The following RAD21L1 variants were observed in gnomAD, a reference collection of about 807,000 sequenced individuals.
RAD21L1 encodes the protein RAD21 cohesin complex component like 1, also known as double-strand-break repair protein rad21-like protein 1.
RAD21L1 carries 47 observed loss-of-function variants against 69.0 expected under a neutral mutation model. The ratio of observed to expected loss-of-function variants is 0.68; its 90% confidence interval spans 0.54 to 0.87. RAD21L1 has a LOEUF of 0.87. RAD21L1 is among the 40% of genes least tolerant of loss of function. The pLI, the probability that RAD21L1 is intolerant of heterozygous loss-of-function variation, is 0.00. For synonymous variants in RAD21L1, 177 were observed against 205.8 expected, an observed-to-expected ratio of 0.86 and a Z score of 1.20; for missense variants, 583 against 647.6, an observed-to-expected ratio of 0.90 and a Z score of 1.08.
At chr20:1,245,101 A>G (rs1247205831) in intron 11 of RAD21L1, among the ~76,000 whole-genome samples, 1 of 152,204 alleles carries the variant, frequency 6.6e-6, no homozygotes, top group African/African-American at 2.4e-5. Context: ...TATCACAGAT[A>G]TAACAAGATA....
intron 8 of RAD21L1, among the ~76,000 whole-genome samples, chr20:1,241,261 G>C (rs2087601851): frequency 6.6e-6 from 1 of 152,196 alleles, no homozygotes; most frequent in Non-Finnish European, 1.5e-5. Context: ...AAGATAAATA[G>C]TCATGCAAGT....
At position 1,231,575 on chromosome 20, in the gene RAD21L1, C is replaced by A; in HGVS notation, c.324C>A (p.Ile108=). 6.5e-7 allele frequency: 1 copy of A among 1,539,000 alleles called. No homozygotes were observed. Among genetic ancestry groups the A allele is most frequent in the Non-Finnish European group, 8.8e-7 (1 of 1,138,240 alleles). The change falls in exon 4 of 14, where the codon ATC becomes ATA. Residue 108 remains isoleucine, a synonymous_variant. Transcript: ENST00000683101. ...KENFEASYNA[I]TLPEEFHDFD... ...ATTTTGAAGCATCTTACAATGCTAT[C>A]ACATTGCCAGAAGAATTTCATGATT...
At chr20:1,237,513 CTT>C (rs11087027) in intron 5 of RAD21L1, among the ~76,000 whole-genome samples, 7 of 145,520 alleles carry the variant, frequency 4.8e-5, no homozygotes, top group Non-Finnish European at 6.0e-5. Flanking sequence ...CTGGGTTTGT[CTT>C]TTTTTTTTTT....
intron 13 of RAD21L1, among the ~76,000 whole-genome samples, chr20:1,249,364 T>C (rs901910160): frequency 1.3e-5 from 2 of 152,332 alleles, no homozygotes; most frequent in Non-Finnish European, 2.9e-5. Context: ...CAGTGTTATA[T>C]TTGTAATAGT....
intron 4 of RAD21L1, among the ~76,000 whole-genome samples, chr20:1,232,510 G>A (rs1427486254): frequency 6.6e-6 from 1 of 152,220 alleles, no homozygotes; most frequent in East Asian, 1.9e-4. Context: ...GGTGGTAGCA[G>A]TCAAGTTACA....
intron 13 of RAD21L1, among the ~76,000 whole-genome samples, chr20:1,251,465 C>G (rs1001520870): frequency 2.0e-5 from 3 of 149,370 alleles, no homozygotes; most frequent in African/African-American, 7.4e-5. Flanking sequence ...TTAAAAATTT[C>G]TTGGACTTTC....
rs1294450042 is a variant in RAD21L1 at position 1,231,555 on chromosome 20, GA to G, written c.306del (p.Ala103HisfsTer20). The G allele has an allele frequency of 5.8e-6, 9 of 1,539,898 alleles. No individual in the cohort carries two copies. Among genetic ancestry groups the G allele is most frequent in the Non-Finnish European group, 7.9e-6 (9 of 1,139,256 alleles). On this transcript the variant is annotated frameshift_variant, in exon 4 of 14. Coordinates refer to ENST00000683101, the MANE Select transcript of RAD21L1 (RefSeq NM_001384355.1). LOFTEE classifies it high-confidence loss of function. The part of the protein sequence containing the change: ...GLVDLPKENF[E>X]ASYNAITLPE... ...GGTTGACCTTCCAAAAGAGAATTTT[GA>G]AGCATCTTACAATGCTATCACATTG... is the stretch of plus-strand genomic sequence containing the variant.
intron 13 of RAD21L1, among the ~76,000 whole-genome samples, chr20:1,251,753 C>T (rs984994556): frequency 2.0e-5 from 3 of 151,896 alleles, no homozygotes; most frequent in African/African-American, 7.2e-5. Context: ...TCTGCTTTCA[C>T]CTTTTTGTTT....
intron 10 of RAD21L1, 120 bp downstream of exon 10, chr20:1,243,316 C>T (rs1396296818): frequency 1.8e-6 from 1 of 549,068 alleles, no homozygotes; most frequent in Non-Finnish European, 3.2e-6. Context: ...AATGCTAACT[C>T]TGGAAGAGTA....
chr20:1,254,323 A>T lies in RAD21L1; in HGVS notation c.1534A>T (p.Ser512Cys). Residue 512 changes from serine to cysteine, a missense_variant, in exon 14 of 14, where the codon AGT becomes TGT. Physicochemically the swap from Ser to Cys is moderately radical, Grantham distance 112. Transcript: ENST00000683101. ...SFSLMKLCRN[S>C]DRKQAAAKFY... The stretch of plus-strand genomic sequence containing the variant: ...TAGTCTGATGAAGCTCTGTAGAAAT[A>T]GTGACCGAAAACAAGCAGCTGCCAA... The T allele has an allele frequency of 6.4e-7, 1 of 1,551,352 alleles. No homozygotes were observed. The highest frequency in any genetic ancestry group is 2.4e-5 in the East Asian group (1 of 40,914).
intron 7 of RAD21L1, 77 bp from the exon 8 acceptor site, chr20:1,240,243 CT>C (rs1477193032): frequency 2.1e-6 from 3 of 1,418,590 alleles, no homozygotes; most frequent in Non-Finnish European, 2.8e-6. Context: ...TTATCTTTAT[CT>C]TTAATTCTCA....
At chr20:1,232,165 T>G (rs957717277) in intron 4 of RAD21L1, among the ~76,000 whole-genome samples, 5 of 152,148 alleles carry the variant, frequency 3.3e-5, no homozygotes, top group Non-Finnish European at 5.9e-5. Flanking sequence ...CAGGACACAC[T>G]GGACATTTTC....
At chr20:1,228,693 G>T in intron 2 of RAD21L1, 96 bp downstream of exon 2, 1 of 895,480 alleles carries the variant, frequency 1.1e-6, no homozygotes, top group Non-Finnish European at 1.6e-6. Context: ...CATTTTCAAG[G>T]AAGTTTTACT....
At chr20:1,250,978 T>C (rs1478663520) in intron 13 of RAD21L1, among the ~76,000 whole-genome samples, 1 of 152,188 alleles carries the variant, frequency 6.6e-6, no homozygotes, top group East Asian at 1.9e-4. Flanking sequence ...GTCATAAACA[T>C]GGGAATTTGT....
intron 12 of RAD21L1, 101 bp from the exon 13 acceptor site, chr20:1,248,525 T>C: frequency 1.7e-6 from 1 of 596,218 alleles, no homozygotes; most frequent in East Asian, 3.0e-5. Context: ...GGACCCATTG[T>C]AATAATTGTG....
chr20:1,235,464 G>C (rs2087474998), intron 5 of RAD21L1, among the ~76,000 whole-genome samples: 1 of 151,992 alleles, frequency 6.6e-6, no homozygotes, highest in Admixed American at 6.6e-5. Context: ...TGAATTATTA[G>C]AAAAATTAAA....
chr20:1,237,971 A>AT, intron 5 of RAD21L1, 73 bp from the exon 6 acceptor site: 1 of 747,814 alleles, frequency 1.3e-6, no homozygotes, highest in South Asian at 3.3e-5. Context: ...ATGCTAGATG[A>AT]TATCTGAATT....
At chr20:1,239,220 C>G in intron 6 of RAD21L1, 92 bp from the exon 7 acceptor site, 2 of 694,232 alleles carry the variant, frequency 2.9e-6, no homozygotes, top group Non-Finnish European at 4.9e-6. Flanking sequence ...TATTCCTTTA[C>G]AATGAAATGC....
intron 2 of RAD21L1, among the ~76,000 whole-genome samples, chr20:1,229,039 A>G (rs968478244): frequency 1.3e-5 from 2 of 152,216 alleles, no homozygotes; most frequent in Non-Finnish European, 2.9e-5. Flanking sequence ...TAGAATTTGC[A>G]TTACAGCATT....
Sources: gnomAD v4.1 joint callset for allele counts (sites outside exome capture counted in the v4.1 genomes callset) on GRCh38, gnomAD v4.1.1 for gene constraint, MANE v1.5 for transcripts, NCBI Gene and HGNC (gene_info 2026-07-23, HGNC 2026-07-21) for gene names.